GNG12: variants seen among roughly 807,000 people sequenced by gnomAD.
GNG12 encodes G protein subunit gamma 12.
For synonymous variants in GNG12, 28 were observed against 29.7 expected, an observed-to-expected ratio of 0.94 and a Z score of 0.19; for missense variants, 69 against 83.8, an observed-to-expected ratio of 0.82 and a Z score of 0.69.
At chr1:67,810,681 T>G (rs1016422486) in intron 1 of GNG12, among the ~76,000 whole-genome samples, 1 of 152,132 alleles carries the variant, frequency 6.6e-6, no homozygotes, top group Non-Finnish European at 1.5e-5. Context: ...TTCTCCCTCC[T>G]CCTCCCCACC....
At chr1:67,734,546 C>T (rs1271011162) in intron 2 of GNG12, among the ~76,000 whole-genome samples, 3 of 152,160 alleles carry the variant, frequency 2.0e-5, no homozygotes, top group African/African-American at 7.2e-5. Flanking sequence ...AATAACTTAC[C>T]TAGGGAGTAG....
intron 1 of GNG12, among the ~76,000 whole-genome samples, chr1:67,800,117 C>T (rs555270484): frequency 2.0e-5 from 3 of 152,318 alleles, no homozygotes; most frequent in Non-Finnish European, 4.4e-5. Context: ...TGATTAGTCT[C>T]TCTTGCATTG....
chr1:67,780,773 C>T (rs1646733209), intron 1 of GNG12, among the ~76,000 whole-genome samples: 1 of 152,204 alleles, frequency 6.6e-6, no homozygotes, highest in South Asian at 2.1e-4. Flanking sequence ...CGGAGCAACT[C>T]GGAGCTTGGC....
rs150966906 is a variant in GNG12, at chr1:67,736,792, G to A, written c.-26-29080C>T. Among the ~76,000 whole-genome samples, 19 of 152,310 alleles carry A rather than the reference G, an allele frequency of 1.2e-4. No individual in the cohort carries two copies. The East Asian group carries it at 2.1e-3, about 17-fold the overall frequency. On this transcript the variant is annotated intron_variant, in intron 2 of 3. Transcript: ENST00000370982. ...GGGGAGTGGGCTCCAGACTGAACTC[G>A]GAGTGGTTTCCTTGGGTCATTTCTA...
At chr1:67,738,165 G>A (rs906284326) in intron 2 of GNG12, among the ~76,000 whole-genome samples, 2 of 151,984 alleles carry the variant, frequency 1.3e-5, no homozygotes, top group African/African-American at 2.4e-5. Flanking sequence ...TTGAACTCCT[G>A]GGCCCACCTC....
chr1:67,705,538 C>T lies in GNG12; in HGVS notation c.132G>A (p.Glu44=). The change falls in exon 4 of 4, where the codon GAG becomes GAA. Residue 44 remains glutamate (E), a synonymous_variant. Coordinates refer to ENST00000370982, the MANE Select transcript of GNG12 (RefSeq NM_018841.6). ...KASADLMSYC[E]EHARSDPLLI... ...GCAAAGGGTCACTCCTGGCATGTTC[C>T]TCACAGTAGGACATGAGGTCCGCTG... 1.2e-6 allele frequency: 2 copies of T among 1,613,900 alleles called. No individual in the cohort carries two copies. Among genetic ancestry groups the T allele is most frequent in the Non-Finnish European group, 1.7e-6 (2 of 1,179,908 alleles).
chr1:67,825,048 T>C (rs1647004010), intron 1 of GNG12, among the ~76,000 whole-genome samples: 2 of 152,190 alleles, frequency 1.3e-5, no homozygotes, highest in Non-Finnish European at 2.9e-5. Flanking sequence ...ATCAAATATT[T>C]ATGTTAAAAA....
In GNG12 at chr1:67,720,833, C is replaced by G. The variant is rs142471684; in HGVS notation, c.-26-13121G>C. On this transcript the variant is annotated intron_variant, in intron 2 of 3. Transcript: ENST00000370982. ...AGCTTTTCCTGTTTCCTTCTGACAT[C>G]CCATGCATATATAGACATGATTATG... 1.0e-3 allele frequency among the ~76,000 whole-genome samples: 158 copies of G among 152,310 alleles called. 1 individual carries two copies. In the East Asian group the frequency reaches 0.028, roughly 27 times the overall value.
At chr1:67,722,931 T>A (rs1297638368) in intron 2 of GNG12, among the ~76,000 whole-genome samples, 1 of 152,174 alleles carries the variant, frequency 6.6e-6, no homozygotes, top group Non-Finnish European at 1.5e-5. Flanking sequence ...TCACTCTCCC[T>A]GAGCCCTCAG....
rs1170279899 is a variant in GNG12, at chr1:67,703,180, G to A, written c.*2271C>T. The A allele has an allele frequency of 6.6e-6, 1 of 152,136 alleles. No homozygotes were observed. Among genetic ancestry groups the A allele is most frequent in the Non-Finnish European group, 1.5e-5 (1 of 68,014 alleles). 9.4% of individuals were successfully genotyped at this position (152,136 alleles called of 1,614,324 possible). A position where few individuals can be genotyped will look rare whatever the true frequency, so the allele number is the denominator to read the frequency against. Reference sequence around the variant, plus strand: ...GCCCTACACCTGGTTAGGAAGTTATGTATTTATACTCATAGCCTTTATTGT... The same window carrying A: ...GCCCTACACCTGGTTAGGAAGTTATATATTTATACTCATAGCCTTTATTGT... On this transcript the variant is annotated 3_prime_UTR_variant, in exon 4 of 4. Coordinates refer to ENST00000370982, the MANE Select transcript of GNG12 (RefSeq NM_018841.6).
At chr1:67,711,024 C>A (rs563123710) in intron 2 of GNG12, among the ~76,000 whole-genome samples, 2 of 152,186 alleles carry the variant, frequency 1.3e-5, no homozygotes, top group South Asian at 2.1e-4. Context: ...GCTCTGCTAC[C>A]CCTCTCAGGC....
rs74801091 is a variant in GNG12, at chr1:67,717,747, T to C, written c.-26-10035A>G. ...TGGCATCAGTGATGCTAGACTCTCC[T>C]GTTCTTGCCCTGTCCAGTGATATTC... On this transcript the variant is annotated intron_variant, in intron 2 of 3. Coordinates refer to ENST00000370982, the MANE Select transcript of GNG12 (RefSeq NM_018841.6). 2.8e-4 allele frequency among the ~76,000 whole-genome samples: 42 copies of C among 152,312 alleles called. No individual in the cohort carries two copies. The East Asian group carries it at 4.8e-3, about 17-fold the overall frequency.
intron 1 of GNG12, among the ~76,000 whole-genome samples, chr1:67,820,168 C>T (rs1287506474): frequency 1.3e-5 from 2 of 151,628 alleles, no homozygotes; most frequent in African/African-American, 4.8e-5. Flanking sequence ...GTGGGCGGAT[C>T]ATCTGAGGTC....
Position 67,778,029 on chromosome 1 carries a change from C to CACATA in GNG12, c.-76-527_-76-523dup, listed in dbSNP as rs557610674. ...TGTTCAATAGAAATATAACCCAAGC[C>CACATA]ACATACTATTAAAACATAATATTGA... On this transcript the variant is annotated intron_variant, in intron 1 of 3. Transcript: ENST00000370982. Among the ~76,000 whole-genome samples the CACATA allele has an allele frequency of 1.2e-3, 175 of 151,050 alleles. 1 individual carries two copies. Among genetic ancestry groups the CACATA allele is most frequent in the African/African-American group, 4.1e-3 (169 of 41,220 alleles).
At chr1:67,795,517 G>GCTTA (rs1304071019) in intron 1 of GNG12, among the ~76,000 whole-genome samples, 1 of 152,184 alleles carries the variant, frequency 6.6e-6, no homozygotes, top group Non-Finnish European at 1.5e-5. Flanking sequence ...ATAAGCCAAA[G>GCTTA]AATAAGATGC....
chr1:67,781,127 C>T (rs961013962), intron 1 of GNG12, among the ~76,000 whole-genome samples: 2 of 152,230 alleles, frequency 1.3e-5, no homozygotes, highest in African/African-American at 4.8e-5. Flanking sequence ...GGAGCTCTCT[C>T]TAGCCTGGTC....
chr1:67,703,093 C>T lies in GNG12; in HGVS notation c.*2358G>A, dbSNP rs1250864381. The T allele has an allele frequency of 1.3e-5, 2 of 152,120 alleles. No individual in the cohort carries two copies. Among genetic ancestry groups the T allele is most frequent in the African/African-American group, 4.8e-5 (2 of 41,426 alleles). 9.4% of individuals were successfully genotyped at this position (152,120 alleles called of 1,614,324 possible). On this transcript the variant is annotated 3_prime_UTR_variant, in exon 4 of 4. Transcript: ENST00000370982. ...AGACGTCTAGTTATAAGTAAATCAA[C>T]ATTTAGCTACAACTTTTCCTCTCTT...
At chr1:67,764,696 T>C (rs1219143188) in intron 2 of GNG12, among the ~76,000 whole-genome samples, 1 of 152,116 alleles carries the variant, frequency 6.6e-6, no homozygotes, top group Non-Finnish European at 1.5e-5. Context: ...TATGCGTGTG[T>C]GTATATGTGT....
At chr1:67,758,895 G>C (rs762650096) in intron 2 of GNG12, among the ~76,000 whole-genome samples, 11 of 152,148 alleles carry the variant, frequency 7.2e-5, no homozygotes, top group East Asian at 1.9e-4. Context: ...GGAAGGGAAG[G>C]GGGGGATGAA....
Sources: allele counts gnomAD v4.1 joint callset (sites outside exome capture counted in the v4.1 genomes callset), GRCh38; gene constraint gnomAD v4.1.1; transcripts MANE v1.5; gene names NCBI Gene and HGNC (gene_info 2026-07-23, HGNC 2026-07-21).